The following PAPSS1 variants were observed in gnomAD, a reference collection of about 807,000 sequenced individuals.
The protein encoded by PAPSS1 is 3'-phosphoadenosine 5'-phosphosulfate synthase 1, also known as bifunctional 3'-phosphoadenosine 5'-phosphosulfate synthase 1.
A neutral mutation model predicts 72.0 loss-of-function variants in PAPSS1; 50 were observed. The ratio of observed to expected loss-of-function variants is 0.69; its 90% confidence interval spans 0.55 to 0.88. The LOEUF is 0.88. PAPSS1 is among the 40% of genes least tolerant of loss of function. PAPSS1 has a pLI of 0.00. For synonymous variants in PAPSS1, 261 were observed against 263.6 expected (o/e 0.99, Z 0.09); for missense variants, 657 against 782.2 (o/e 0.84, Z 1.91).
chr4:107,631,635 C>A lies in PAPSS1; in HGVS notation c.1732G>T (p.Glu578Ter). 6.2e-7 allele frequency: 1 copy of A among 1,605,236 alleles called. No homozygotes were observed. The highest frequency in any genetic ancestry group is 8.5e-7 in the Non-Finnish European group (1 of 1,172,212). Residue 578 changes from glutamate (E) to a stop codon, truncating the protein, a stop_gained, in exon 11 of 12, where the codon GAA becomes TAA. Coordinates refer to ENST00000265174, the MANE Select transcript of PAPSS1 (RefSeq NM_005443.5). LOFTEE classifies it high-confidence loss of function. ...KKKRMDYYDS[E>*]HHEDFEFISG... The stretch of plus-strand genomic sequence containing the variant: ...TACAGAGAATGTAAGACTTACTGTT[C>A]AGAGTCATAGTAGTCCATACGCTTC...
At chr4:107,695,474 C>T (rs938624616) in intron 2 of PAPSS1, among the ~76,000 whole-genome samples, 5 of 152,126 alleles carry the variant, frequency 3.3e-5, no homozygotes, top group African/African-American at 1.2e-4. Context: ...TATTTGAACA[C>T]CCTTTATTTC....
In PAPSS1 at chr4:107,634,151, G is replaced by A. The variant is rs539056885; in HGVS notation, c.1507-2291C>T. Among the ~76,000 whole-genome samples the A allele has an allele frequency of 2.1e-3, 315 of 151,996 alleles. 3 individuals are homozygous for A. Among genetic ancestry groups the A allele is most frequent in the Non-Finnish European group, 1.7e-3 (115 of 67,962 alleles). The stretch of plus-strand genomic sequence containing the variant: ...TCCCATCTCAGCCTCCCAAGCAGCT[G>A]GGACCACAGAGATGCGCCACCATGC... On this transcript the variant is annotated intron_variant, in intron 10 of 11. Transcript: ENST00000265174.
chr4:107,700,478 T>C (rs1240395117), intron 2 of PAPSS1, among the ~76,000 whole-genome samples: 1 of 152,202 alleles, frequency 6.6e-6, no homozygotes, highest in Non-Finnish European at 1.5e-5. Flanking sequence ...ATTCACTTTG[T>C]GAAAATTCTT....
Position 107,637,937 on chromosome 4 carries a change from A to G in PAPSS1, c.1507-6077T>C, listed in dbSNP as rs141557508. On this transcript the variant is annotated intron_variant, in intron 10 of 11. Coordinates refer to ENST00000265174, the MANE Select transcript of PAPSS1 (RefSeq NM_005443.5). ...CTTAGTTGTACATTATCTAGCATTA[A>G]TATGTTTTCTTGAAATTCCCAAATC... is the stretch of plus-strand genomic sequence containing the variant. 3.4e-3 allele frequency among the ~76,000 whole-genome samples: 519 copies of G among 152,248 alleles called. 2 individuals are homozygous for G. The highest frequency in any genetic ancestry group is 0.011 in the African/African-American group (475 of 41,544).
At chr4:107,683,950 C>T (rs542702733) in intron 4 of PAPSS1, among the ~76,000 whole-genome samples, 23 of 136,404 alleles carry the variant, frequency 1.7e-4, no homozygotes, top group African/African-American at 5.8e-4. Flanking sequence ...ACCTAAGTAT[C>T]AGTGTATGCA....
chr4:107,675,395 T>TA (rs1727613197), intron 5 of PAPSS1, among the ~76,000 whole-genome samples: 1 of 152,322 alleles, frequency 6.6e-6, no homozygotes, highest in South Asian at 2.1e-4. Flanking sequence ...CATCAGAGAA[T>TA]ACTATCAACA....
At position 107,693,814 on chromosome 4, in the gene PAPSS1, G is replaced by A; in HGVS notation, c.368C>T (p.Ala123Val). Residue 123 changes from alanine to valine, a missense_variant, in exon 3 of 12, where the codon GCT becomes GTT. Ala to Val is a moderately conservative substitution (Grantham distance 64). Coordinates refer to ENST00000265174, the MANE Select transcript of PAPSS1 (RefSeq NM_005443.5). ...GAAACTTGTGATGCACACTAAGCCA[G>A]CATCTGCAAACAGTTTAGCAACTTC... ...IAEVAKLFAD[A>V]GLVCITSFIS... 1 of 1,613,884 alleles carries A rather than the reference G, an allele frequency of 6.2e-7. No homozygotes were observed. Among genetic ancestry groups the A allele is most frequent in the East Asian group, 2.2e-5 (1 of 44,878 alleles).
At chr4:107,665,264 C>T (rs1727286302) in intron 5 of PAPSS1, among the ~76,000 whole-genome samples, 1 of 152,184 alleles carries the variant, frequency 6.6e-6, no homozygotes, top group Non-Finnish European at 1.5e-5. Context: ...GCTTCTAGCA[C>T]ATTCCAGTGA....
At chr4:107,626,521 A>G (rs1306591492) in intron 11 of PAPSS1, among the ~76,000 whole-genome samples, 1 of 152,228 alleles carries the variant, frequency 6.6e-6, no homozygotes, top group African/African-American at 2.4e-5. Flanking sequence ...TTTAGTGCCT[A>G]TTATAACTAA....
In PAPSS1 at chr4:107,614,228, T is replaced by C. The variant is rs747514955; in HGVS notation, c.*21A>G. 12 of 1,608,738 alleles carry C rather than the reference T, an allele frequency of 7.5e-6. No homozygotes were observed. The African/African-American group carries it at 1.6e-4, about 22-fold the overall frequency. ...CTTGTTACTAGTAATGTGTCAAAGG[T>C]GGAGTGACTGGGTTAACAGCCTAAG... is the stretch of plus-strand genomic sequence containing the variant. On this transcript the variant is annotated 3_prime_UTR_variant, in exon 12 of 12. Transcript: ENST00000265174.
intron 10 of PAPSS1, among the ~76,000 whole-genome samples, chr4:107,633,095 C>T (rs1726264382): frequency 6.6e-6 from 1 of 152,208 alleles, no homozygotes; most frequent in African/African-American, 2.4e-5. Context: ...AGCATGCTTA[C>T]ACTTTGTTAT....
chr4:107,695,737 G>T (rs1259285648), intron 2 of PAPSS1, among the ~76,000 whole-genome samples: 1 of 152,174 alleles, frequency 6.6e-6, no homozygotes, highest in African/African-American at 2.4e-5. Context: ...TGTGTCTATT[G>T]AGATAATCAT....
chr4:107,695,692 T>C (rs1278518324), intron 2 of PAPSS1, among the ~76,000 whole-genome samples: 1 of 152,226 alleles, frequency 6.6e-6, no homozygotes, highest in Non-Finnish European at 1.5e-5. Context: ...TGAGAGTTTT[T>C]AACATAGATG....
chr4:107,700,727 T>C (rs565531738), intron 2 of PAPSS1, among the ~76,000 whole-genome samples: 4 of 152,304 alleles, frequency 2.6e-5, no homozygotes, highest in South Asian at 4.1e-4. Flanking sequence ...ATTACAAACA[T>C]AGCAAGAAGA....
intron 5 of PAPSS1, among the ~76,000 whole-genome samples, 160 bp from the exon 6 acceptor site, chr4:107,660,232 T>C (rs372591733): frequency 1.3e-5 from 2 of 152,086 alleles, no homozygotes; most frequent in Non-Finnish European, 2.9e-5. Flanking sequence ...CTCAAGCAGA[T>C]AGTATCCCAC....
At chr4:107,697,142 C>T (rs1293157449) in intron 2 of PAPSS1, among the ~76,000 whole-genome samples, 3 of 152,226 alleles carry the variant, frequency 2.0e-5, no homozygotes, top group African/African-American at 4.8e-5. Context: ...ACTCTCAGCC[C>T]GCTAAGCTCC....
intron 1 of PAPSS1, among the ~76,000 whole-genome samples, chr4:107,706,762 T>C (rs774417230): frequency 6.6e-6 from 1 of 152,302 alleles, no homozygotes; most frequent in Middle Eastern, 3.4e-3. Flanking sequence ...CTGGCTTTAT[T>C]TGGGAAGCAC....
At chr4:107,681,271 G>A (rs185445633) in intron 5 of PAPSS1, among the ~76,000 whole-genome samples, 91 of 152,082 alleles carry the variant, frequency 6.0e-4, no homozygotes, top group Admixed American at 1.8e-3. Context: ...AATAGCAAAG[G>A]GGGGAATGCA....
At chr4:107,636,848 G>T (rs1726398839) in intron 10 of PAPSS1, among the ~76,000 whole-genome samples, 1 of 152,136 alleles carries the variant, frequency 6.6e-6, no homozygotes, top group South Asian at 2.1e-4. Context: ...AAAATAAACA[G>T]ATTATTTGTT....
Sources: allele counts gnomAD v4.1 joint callset (sites outside exome capture counted in the v4.1 genomes callset), GRCh38; gene constraint gnomAD v4.1.1; transcripts MANE v1.5; gene names NCBI Gene and HGNC (gene_info 2026-07-23, HGNC 2026-07-21).